Variants in ITIH6 observed in about 807,000 individuals in gnomAD.
The protein encoded by ITIH6 is inter-alpha-trypsin inhibitor heavy chain family member 6.
In ITIH6, 60 loss-of-function variants were observed where a neutral mutation model predicts 58.2. The ratio of observed to expected loss-of-function variants is 1.03; its 90% CI spans 0.84 to 1.28. ITIH6 has a LOEUF of 1.28. Ranked by LOEUF, ITIH6 falls within the 50% of genes most tolerant of loss-of-function variation. ITIH6 has a pLI of 0.00. For missense variants in ITIH6, 1,290 were observed against 1,021.1 expected (o/e 1.26, Z -3.59); for synonymous variants, 493 against 417.4 (o/e 1.18, Z -2.21).
At chrX:54,767,762 G>T (rs1191155357) in intron 6 of ITIH6, among the ~76,000 whole-genome samples, 4 of 101,777 alleles carry the variant, frequency 3.9e-5, no homozygotes, top group Non-Finnish European at 7.8e-5. Context: ...TAGATAGTTT[G>T]TTATAATTTC....
intron 6 of ITIH6, among the ~76,000 whole-genome samples, chrX:54,763,901 C>T (rs1382280132): frequency 8.9e-6 from 1 of 112,189 alleles, no homozygotes; most frequent in African/African-American, 3.2e-5. Flanking sequence ...AGAATTTCCC[C>T]TTTACCATTA....
rs761636954 is a variant in ITIH6, at chrX:54,758,085, A to G, written c.1989T>C (p.Pro663=). Residue 663 remains proline, a synonymous_variant, in exon 8 of 13, where the codon CCT becomes CCC. Transcript: ENST00000218436. ...VPKVISPKSR[P]VKPKFYLSST... is the part of the protein sequence containing the mutation. ...AGGATAAGTAGAACTTTGGTTTCACAGGCCTTGATTTGGGGGAGATGACCT... is the reference window on the plus strand; with the variant it reads ...AGGATAAGTAGAACTTTGGTTTCACGGGCCTTGATTTGGGGGAGATGACCT... 1.4e-5 allele frequency: 17 copies of G among 1,209,700 alleles called. No individual in the cohort carries two copies. Among genetic ancestry groups the G allele is most frequent in the Middle Eastern group, 2.3e-4 (1 of 4,376 alleles).
chrX:54,777,105 G>A (rs1304587819), intron 5 of ITIH6, among the ~76,000 whole-genome samples: 5 of 112,112 alleles, frequency 4.5e-5, no homozygotes, highest in Admixed American at 3.8e-4. Context: ...GATAGGCAGC[G>A]TATACCACAA....
At chrX:54,773,248 A>T (rs1228780169) in intron 6 of ITIH6, among the ~76,000 whole-genome samples, 3 of 111,376 alleles carry the variant, frequency 2.7e-5, no homozygotes, top group Non-Finnish European at 5.7e-5. Flanking sequence ...CTGAGATAGA[A>T]ACTTCACAAG....
In ITIH6 at chrX:54,758,101, G is replaced by T; in HGVS notation, c.1973C>A (p.Ser658Tyr). The change falls in exon 8 of 13, where the codon TCC (serine) becomes TAC (tyrosine). Residue 658 changes from serine (S) to tyrosine (Y), a missense_variant. Transcript: ENST00000218436. ...TGGTTTCACAGGCCTTGATTTGGGGGAGATGACCTTGGGCACCAAGGCTGG... is the reference window on the plus strand; with the variant it reads ...TGGTTTCACAGGCCTTGATTTGGGGTAGATGACCTTGGGCACCAAGGCTGG... ...AQPALVPKVI[S>Y]PKSRPVKPKF... 3 of 1,211,737 alleles carry T rather than the reference G, an allele frequency of 2.5e-6. No individual in the cohort carries two copies. Among genetic ancestry groups the T allele is most frequent in the Non-Finnish European group, 2.2e-6 (2 of 895,497 alleles).
chrX:54,771,828 T>C lies in ITIH6; in HGVS notation c.903+2253A>G, dbSNP rs905363272. Among the ~76,000 whole-genome samples, 4 of 111,355 alleles carry C rather than the reference T, an allele frequency of 3.6e-5. No individual in the cohort carries two copies. In the East Asian group the frequency reaches 1.1e-3, roughly 31 times the overall value. On this transcript the variant is annotated intron_variant, in intron 6 of 12. Transcript: ENST00000218436. ...AGTCAGAATGGCTATTATTAAATAGTTAAAAAAAAACAACAACAACAGATG... is the reference window on the plus strand; with the variant it reads ...AGTCAGAATGGCTATTATTAAATAGCTAAAAAAAAACAACAACAACAGATG...
chrX:54,793,858 G>A (rs1449601320), intron 2 of ITIH6, among the ~76,000 whole-genome samples: 1 of 111,416 alleles, frequency 9.0e-6, no homozygotes, highest in East Asian at 2.8e-4. Flanking sequence ...TTTTTGCCGT[G>A]GAGAATGGAG....
intron 6 of ITIH6, among the ~76,000 whole-genome samples, chrX:54,767,819 T>C (rs1928832052): frequency 2.3e-5 from 2 of 87,175 alleles, no homozygotes; most frequent in East Asian, 7.2e-4. Flanking sequence ...AACTATGTGG[T>C]CAATTTTGGA....
chrX:54,779,047 A>C (rs1179860066), intron 5 of ITIH6, among the ~76,000 whole-genome samples: 3 of 112,258 alleles, frequency 2.7e-5, no homozygotes, highest in Non-Finnish European at 5.6e-5. Flanking sequence ...ATATCCCTCA[A>C]ACGTGAAAGA....
At chrX:54,788,734 C>A in intron 4 of ITIH6, 85 bp from the exon 5 acceptor site, 1 of 776,873 alleles carries the variant, frequency 1.3e-6, no homozygotes, top group Non-Finnish European at 1.9e-6. Context: ...ACAAAGGGTG[C>A]TATCTGGGGA....
chrX:54,754,486 G>T (rs1326334675), intron 9 of ITIH6, among the ~76,000 whole-genome samples: 1 of 112,051 alleles, frequency 8.9e-6, no homozygotes, highest in Non-Finnish European at 1.9e-5. Flanking sequence ...TGTATCTAGA[G>T]GTCAGAGACA....
rs1243844618 is a variant in ITIH6, at chrX:54,781,240, G to A, written c.787-7043C>T. On this transcript the variant is annotated intron_variant, in intron 5 of 12. Coordinates refer to ENST00000218436, the MANE Select transcript of ITIH6 (RefSeq NM_198510.3). ...TTGCAACAAAAGCAAAAAGAGACAA[G>A]TGGGATCCAATTAAACTAAACAGCT... 1.3e-4 allele frequency among the ~76,000 whole-genome samples: 15 copies of A among 111,893 alleles called. 1 individual carries two copies. The highest frequency in any genetic ancestry group is 4.9e-4 in the African/African-American group (15 of 30,799).
intron 6 of ITIH6, among the ~76,000 whole-genome samples, chrX:54,760,379 T>C (rs1928608982): frequency 9.0e-6 from 1 of 111,184 alleles, no homozygotes; most frequent in Non-Finnish European, 1.9e-5. Context: ...TCATTTGCTA[T>C]ATGGTTCCTG....
chrX:54,758,267 T>A lies in ITIH6; in HGVS notation c.1807A>T (p.Thr603Ser). 4 of 1,211,118 alleles carry A rather than the reference T, an allele frequency of 3.3e-6. No homozygotes were observed. The highest frequency in any genetic ancestry group is 4.5e-6 in the Non-Finnish European group (4 of 895,130). Residue 603 changes from threonine (T) to serine (S), a missense_variant, in exon 8 of 13, where the codon ACA becomes TCA. Transcript: ENST00000218436. ...ACCATGACCAGTGAAGTCAGAGGTG[T>A]GACAAAGTTGTATTCAAGGGACAGG... ...LNLSLEYNFVTPLTSLVMVQP... is the reference protein window; with the variant it reads ...LNLSLEYNFVSPLTSLVMVQP...
intron 5 of ITIH6, among the ~76,000 whole-genome samples, chrX:54,777,903 G>A (rs1359103899): frequency 8.9e-6 from 1 of 111,967 alleles, no homozygotes; most frequent in Non-Finnish European, 1.9e-5. Flanking sequence ...AGACACAGAA[G>A]AACATCTAAA....
chrX:54,789,808 G>A (rs1420642173), intron 4 of ITIH6, among the ~76,000 whole-genome samples: 4 of 113,038 alleles, frequency 3.5e-5, no homozygotes, highest in Non-Finnish European at 7.5e-5. Context: ...CTAATGAGTA[G>A]AATGATCGTG....
Position 54,758,925 on chromosome X carries a change from G to T in ITIH6, c.1149C>A (p.Gly383=). 2 of 1,205,536 alleles carry T rather than the reference G, an allele frequency of 1.7e-6. No homozygotes were observed. The highest frequency in any genetic ancestry group is 1.7e-5 in the African/African-American group (1 of 57,665). Residue 383 remains glycine, a synonymous_variant, in exon 8 of 13, where the codon GGC becomes GGA. Transcript: ENST00000218436. ...LNHSNQEPGR[G]PSVGRIPLII... is the part of the protein sequence containing the mutation. ...TAAGAGGGATCCTCCCCACACTGGG[G>T]CCCCTCCCAGGCTCCTGGTTGCTAT...
chrX:54,765,766 A>C (rs1426707335), intron 6 of ITIH6, among the ~76,000 whole-genome samples: 8 of 109,309 alleles, frequency 7.3e-5, no homozygotes, highest in Non-Finnish European at 1.3e-4. Flanking sequence ...TGTTTTGGTA[A>C]CAGTACCATG....
intron 2 of ITIH6, among the ~76,000 whole-genome samples, chrX:54,794,289 C>T (rs1569544378): frequency 9.1e-6 from 1 of 110,329 alleles, no homozygotes; most frequent in African/African-American, 3.3e-5. Context: ...ACAGAGTCTG[C>T]CCAAGAACAT....
Sources: gnomAD v4.1 joint callset for allele counts (sites outside exome capture counted in the v4.1 genomes callset) on GRCh38, gnomAD v4.1.1 for gene constraint, MANE v1.5 for transcripts, NCBI Gene and HGNC (gene_info 2026-07-23, HGNC 2026-07-21) for gene names.